GALNT14: variants seen among roughly 807,000 people sequenced by gnomAD.
GALNT14 encodes the protein polypeptide N-acetylgalactosaminyltransferase 14.
Under a neutral mutation model 77.5 loss-of-function variants are expected in GALNT14, and 60 were observed. That is an observed-to-expected ratio of 0.77 (90% CI 0.63 to 0.96). The LOEUF (loss-of-function observed/expected upper bound fraction) is 0.96, where lower values mean the gene tolerates loss of function less well. GALNT14 is among the 40% of genes least tolerant of loss of function. The pLI, the probability that GALNT14 is intolerant of heterozygous loss-of-function variation, is 0.00. For synonymous variants in GALNT14, 280 were observed against 281.7 expected (o/e 0.99, Z 0.06); for missense variants, 710 against 731.0 (o/e 0.97, Z 0.33).
intron 1 of GALNT14, among the ~76,000 whole-genome samples, chr2:31,105,067 C>T (rs1316547206): frequency 2.0e-5 from 3 of 152,202 alleles, no homozygotes; most frequent in African/African-American, 7.2e-5. Flanking sequence ...CTCCATCATT[C>T]TCTCTACATT....
chr2:30,987,668 C>T (rs1351779101), intron 2 of GALNT14, among the ~76,000 whole-genome samples: 1 of 152,078 alleles, frequency 6.6e-6, no homozygotes, highest in Non-Finnish European at 1.5e-5. Flanking sequence ...TCAATCAGCA[C>T]AGCTGCCTGC....
At chr2:31,057,340 G>A (rs1261186648) in intron 1 of GALNT14, among the ~76,000 whole-genome samples, 20 of 62,426 alleles carry the variant, frequency 3.2e-4, no homozygotes, top group East Asian at 7.1e-4. Flanking sequence ...ATATATACAC[G>A]TATATATATG....
intron 1 of GALNT14, among the ~76,000 whole-genome samples, chr2:31,024,054 T>C (rs1373185971): frequency 6.6e-6 from 1 of 151,660 alleles, no homozygotes; most frequent in Non-Finnish European, 1.5e-5. Context: ...CTTCCCCATC[T>C]TAGTAGAGGC....
chr2:30,948,059 G>A (rs1265024422), intron 6 of GALNT14, among the ~76,000 whole-genome samples: 1 of 152,152 alleles, frequency 6.6e-6, no homozygotes. Context: ...GGATACATAT[G>A]GATACATACT....
chr2:31,122,376 A>G (rs1457382351), intron 1 of GALNT14, among the ~76,000 whole-genome samples: 1 of 152,220 alleles, frequency 6.6e-6, no homozygotes, highest in African/African-American at 2.4e-5. Context: ...CCATCCCCAC[A>G]TGGGGGAATG....
At chr2:31,013,748 T>C (rs1161427437) in intron 1 of GALNT14, among the ~76,000 whole-genome samples, 1 of 152,202 alleles carries the variant, frequency 6.6e-6, no homozygotes, top group Non-Finnish European at 1.5e-5. Flanking sequence ...GCTTTATATA[T>C]GAATTTTGTT....
intron 1 of GALNT14, among the ~76,000 whole-genome samples, chr2:31,103,876 T>C (rs1400018847): frequency 2.0e-5 from 3 of 152,198 alleles, no homozygotes; most frequent in Non-Finnish European, 4.4e-5. Context: ...CCATCTTCAC[T>C]TTGTTGACTG....
At chr2:30,905,392 G>A in the GALNT14 span, among the ~76,000 whole-genome samples, 14 of 150,992 alleles carry the variant, frequency 9.3e-5, no homozygotes, top group Non-Finnish European at 1.8e-4. Context: ...GAAAACCAAG[G>A]CTCGAGAACT....
intron 9 of GALNT14, among the ~76,000 whole-genome samples, 167 bp from the exon 10 acceptor site, chr2:30,932,361 T>C (rs1382412878): frequency 6.6e-6 from 1 of 152,142 alleles, no homozygotes; most frequent in Non-Finnish European, 1.5e-5. Flanking sequence ...CATCCATAAA[T>C]GGGAATAGTC....
intron 1 of GALNT14, among the ~76,000 whole-genome samples, chr2:31,072,294 C>T (rs1675450670): frequency 1.2e-5 from 1 of 83,866 alleles, no homozygotes; most frequent in African/African-American, 6.6e-5. Context: ...CACACACACA[C>T]ACACACACAT....
At chr2:31,008,956 C>G (rs1445879418) in intron 1 of GALNT14, among the ~76,000 whole-genome samples, 1 of 152,146 alleles carries the variant, frequency 6.6e-6, no homozygotes, top group Non-Finnish European at 1.5e-5. Context: ...CTGGAGGGCC[C>G]TCTGCTAGAC....
chr2:30,977,182 G>A (rs549996474), intron 2 of GALNT14, among the ~76,000 whole-genome samples: 17 of 150,042 alleles, frequency 1.1e-4, no homozygotes, highest in East Asian at 3.9e-4. Flanking sequence ...CTCTGCCTCC[G>A]GCGTTCAAGC....
chr2:30,928,067 G>T (rs1665496443), intron 11 of GALNT14, among the ~76,000 whole-genome samples: 1 of 152,140 alleles, frequency 6.6e-6, no homozygotes, highest in Admixed American at 6.5e-5. Context: ...GCAGTGAGGG[G>T]GATGTGGTTG....
chr2:30,978,841 T>A (rs536207792), intron 2 of GALNT14, among the ~76,000 whole-genome samples: 1 of 152,102 alleles, frequency 6.6e-6, no homozygotes, highest in African/African-American at 2.4e-5. Context: ...GGAAGGGTGA[T>A]AGACAGTAAG....
chr2:30,947,428 C>T (rs902236955), intron 6 of GALNT14, among the ~76,000 whole-genome samples: 4 of 152,174 alleles, frequency 2.6e-5, no homozygotes, highest in East Asian at 1.9e-4. Context: ...AATATGCAAG[C>T]CTAAGTCACC....
chr2:30,905,286 C>T, the GALNT14 span, among the ~76,000 whole-genome samples: 12 of 151,866 alleles, frequency 7.9e-5, no homozygotes, highest in East Asian at 3.9e-4. Context: ...ACATTCAAAC[C>T]AAAGGCAAAG....
In GALNT14 at chr2:30,974,807, G is replaced by C. The variant is rs565777417; in HGVS notation, c.300-8505C>G. Among the ~76,000 whole-genome samples the C allele has an allele frequency of 2.0e-4, 30 of 152,270 alleles. No homozygotes were observed. The South Asian group carries it at 6.2e-3, about 32-fold the overall frequency. ...CGACTGTTGCTGCAGTGAAGGCAAG[G>C]ACTTATTTGTAGTTGTAACCTCAAT... On this transcript the variant is annotated intron_variant, in intron 2 of 14. Coordinates refer to ENST00000349752, the MANE Select transcript of GALNT14 (RefSeq NM_024572.4).
intron 3 of GALNT14, among the ~76,000 whole-genome samples, chr2:30,964,951 C>T (rs561415969): frequency 4.6e-5 from 7 of 152,230 alleles, no homozygotes; most frequent in Non-Finnish European, 7.3e-5. Context: ...TGCTGTGTTT[C>T]GTGTGCTCTC....
chr2:30,976,632 T>C (rs898494002), intron 2 of GALNT14, among the ~76,000 whole-genome samples: 92 of 151,916 alleles, frequency 6.1e-4, no homozygotes, highest in African/African-American at 2.1e-3. Context: ...TGTGTGTGTG[T>C]GTGTGTGTGC....
Sources: gnomAD v4.1 joint callset for allele counts (sites outside exome capture counted in the v4.1 genomes callset) on GRCh38, gnomAD v4.1.1 for gene constraint, MANE v1.5 for transcripts, NCBI Gene and HGNC (gene_info 2026-07-23, HGNC 2026-07-21) for gene names.